SGCZ: variants seen among roughly 807,000 people sequenced by gnomAD.
The protein encoded by SGCZ is sarcoglycan zeta.
Under a neutral mutation model 41.3 loss-of-function variants are expected in SGCZ, and 40 were observed. The observed-to-expected ratio is 0.97, with a 90% confidence interval of 0.75 to 1.26. SGCZ has a LOEUF of 1.26. SGCZ is among the 50% of genes most tolerant of loss of function. SGCZ has a pLI of 0.00. For synonymous variants in SGCZ, 206 were observed against 137.5 expected, an observed-to-expected ratio of 1.50 and a Z score of -3.49; for missense variants, 552 against 369.8, an observed-to-expected ratio of 1.49 and a Z score of -4.04.
rs145245877 is a variant in SGCZ, at chr8:14,301,794, T to C, written c.336+22309A>G. ...TACTTATCATGCTGTATTTCACACATAGTTTTTAAGTTATGACTTTATAGT... is the reference window on the plus strand; with the variant it reads ...TACTTATCATGCTGTATTTCACACACAGTTTTTAAGTTATGACTTTATAGT... On this transcript the variant is annotated intron_variant, in intron 3 of 7. Coordinates refer to ENST00000382080, the MANE Select transcript of SGCZ (RefSeq NM_139167.4). Among the ~76,000 whole-genome samples the C allele has an allele frequency of 3.5e-3, 539 of 152,312 alleles. 4 individuals carry two copies. Among genetic ancestry groups the C allele is most frequent in the Middle Eastern group, 0.017 (5 of 294 alleles).
At chr8:15,016,479 G>A (rs1233668191) in intron 1 of SGCZ, among the ~76,000 whole-genome samples, 1 of 152,082 alleles carries the variant, frequency 6.6e-6, no homozygotes, top group East Asian at 1.9e-4. Context: ...GATGTCTCAG[G>A]TAAAAGAGAG....
At chr8:14,764,604 T>G (rs1799986535) in intron 1 of SGCZ, among the ~76,000 whole-genome samples, 1 of 152,270 alleles carries the variant, frequency 6.6e-6, no homozygotes, top group South Asian at 2.1e-4. Flanking sequence ...TTTTGTCTCA[T>G]CAAAAATGTC....
At chr8:15,097,768 A>G (rs5029600) in intron 1 of SGCZ, among the ~76,000 whole-genome samples, 94,216 of 127,700 alleles carry the variant, frequency 0.74, 35,584 homozygotes, top group Admixed American at 0.81. Context: ...ATATGTGTTT[A>G]TATATATATA....
chr8:14,258,780 C>T (rs988771086), intron 3 of SGCZ, among the ~76,000 whole-genome samples: 2 of 152,114 alleles, frequency 1.3e-5, no homozygotes, highest in African/African-American at 4.8e-5. Context: ...GCTTGCATGA[C>T]CTTCAAGTGT....
chr8:14,399,856 C>T (rs534776275), intron 2 of SGCZ, among the ~76,000 whole-genome samples: 17 of 152,162 alleles, frequency 1.1e-4, no homozygotes, highest in African/African-American at 3.6e-4. Flanking sequence ...ACTTTATATG[C>T]TATAAAGTTT....
chr8:14,301,060 AATCATC>A (rs58825148), intron 3 of SGCZ, among the ~76,000 whole-genome samples: 7,554 of 147,956 alleles, frequency 0.051, 212 homozygotes, highest in Middle Eastern at 0.086. Context: ...AACACAAGAA[AATCATC>A]ATCATCATCA....
At chr8:14,372,306 C>T (rs995575772) in intron 2 of SGCZ, among the ~76,000 whole-genome samples, 3 of 151,998 alleles carry the variant, frequency 2.0e-5, no homozygotes, top group African/African-American at 7.3e-5. Context: ...ATGTGTATAC[C>T]CAACCAACAG....
chr8:14,140,214 C>T (rs1194008539), intron 5 of SGCZ, among the ~76,000 whole-genome samples: 1 of 152,172 alleles, frequency 6.6e-6, no homozygotes, highest in Non-Finnish European at 1.5e-5. Flanking sequence ...TAGCCAATAT[C>T]ATACTGAATG....
intron 1 of SGCZ, among the ~76,000 whole-genome samples, chr8:14,633,123 T>A (rs371507863): frequency 6.6e-6 from 1 of 152,024 alleles, no homozygotes; most frequent in East Asian, 1.9e-4. Flanking sequence ...ACATCATGAA[T>A]GTTTGCTGAG....
rs139034413 is a variant in SGCZ, at chr8:14,985,508, C to T, written c.39+252077G>A. Reference sequence around the variant, plus strand: ...TATGAGAAAACCAGGGGCTAAAATGCCCAGAGATTCAGAGTCTGACCTCAG... The same window carrying T: ...TATGAGAAAACCAGGGGCTAAAATGTCCAGAGATTCAGAGTCTGACCTCAG... On this transcript the variant is annotated intron_variant, in intron 1 of 7. Transcript: ENST00000382080. 4.1e-4 allele frequency among the ~76,000 whole-genome samples: 63 copies of T among 152,234 alleles called. 1 individual carries two copies. The highest frequency in any genetic ancestry group is 1.4e-3 in the African/African-American group (59 of 41,554).
chr8:14,964,683 A>G (rs981991833), intron 1 of SGCZ, among the ~76,000 whole-genome samples: 2 of 152,132 alleles, frequency 1.3e-5, no homozygotes, highest in Non-Finnish European at 2.9e-5. Context: ...ATAATTCTGC[A>G]TTGAGTAGTT....
intron 3 of SGCZ, among the ~76,000 whole-genome samples, chr8:14,289,507 T>G (rs1800767982): frequency 6.6e-6 from 1 of 152,118 alleles, no homozygotes; most frequent in African/African-American, 2.4e-5. Flanking sequence ...ATCCTACAGC[T>G]TTATGTTGAA....
intron 7 of SGCZ, among the ~76,000 whole-genome samples, chr8:14,094,784 C>G (rs564045431): frequency 6.6e-6 from 1 of 152,112 alleles, no homozygotes; most frequent in Non-Finnish European, 1.5e-5. Context: ...TCTCCACATC[C>G]TCACCAGCAT....
intron 2 of SGCZ, among the ~76,000 whole-genome samples, chr8:14,440,884 C>G (rs559206468): frequency 1.3e-3 from 193 of 151,796 alleles, no homozygotes; most frequent in African/African-American, 4.5e-3. Flanking sequence ...CACACACATA[C>G]ATGAGTAAGA....
chr8:14,595,440 C>CACACAT (rs1554459974), intron 1 of SGCZ, among the ~76,000 whole-genome samples: 2 of 149,452 alleles, frequency 1.3e-5, no homozygotes, highest in Non-Finnish European at 3.0e-5. Context: ...CACACACACA[C>CACACAT]ACCATGTACT....
chr8:15,040,082 G>C (rs1246367872), intron 1 of SGCZ, among the ~76,000 whole-genome samples: 2 of 152,110 alleles, frequency 1.3e-5, no homozygotes, highest in African/African-American at 4.8e-5. Context: ...CTCTATTCAA[G>C]CTCATACAGC....
intron 1 of SGCZ, among the ~76,000 whole-genome samples, chr8:15,221,661 T>C: frequency 6.6e-6 from 1 of 152,198 alleles, no homozygotes. Flanking sequence ...GTAGGAAGAA[T>C]CCCGAGATGC....
rs1049756822 is a variant in SGCZ at position 14,805,718 on chromosome 8, T to C, written c.40-250792A>G. Among the ~76,000 whole-genome samples the C allele has an allele frequency of 5.4e-3, 814 of 152,008 alleles. 5 individuals carry two copies. Among genetic ancestry groups the C allele is most frequent in the African/African-American group, 0.019 (776 of 41,436 alleles). On this transcript the variant is annotated intron_variant, in intron 1 of 7. Transcript: ENST00000382080. ...TACCCAGGAATTGAACTCAGCTCTG[T>C]ACCAAGCGGACGTAATAGACATCTA...
At chr8:14,609,828 A>G (rs1444326776) in intron 1 of SGCZ, among the ~76,000 whole-genome samples, 1 of 152,134 alleles carries the variant, frequency 6.6e-6, no homozygotes, top group Non-Finnish European at 1.5e-5. Context: ...CAGAAGGAGA[A>G]AAAAAAACAG....
Sources: allele counts gnomAD v4.1 joint callset (sites outside exome capture counted in the v4.1 genomes callset), GRCh38; gene constraint gnomAD v4.1.1; transcripts MANE v1.5; gene names NCBI Gene and HGNC (gene_info 2026-07-23, HGNC 2026-07-21).